The following SCRN1 variants were observed in gnomAD, a reference collection of about 807,000 sequenced individuals.
The protein encoded by SCRN1 is secernin 1, also known as secernin-1.
Under a neutral mutation model 43.3 loss-of-function variants are expected in SCRN1, and 19 were observed. The observed-to-expected ratio is 0.44, with a 90% confidence interval of 0.31 to 0.64. The LOEUF is 0.64. Among genes scored for constraint, SCRN1 ranks in the 30% least tolerant of loss-of-function variants. The pLI, the probability that SCRN1 is intolerant of heterozygous loss-of-function variation, is 0.09. For missense variants in SCRN1, 447 were observed against 524.1 expected, an observed-to-expected ratio of 0.85 and a Z score of 1.44; for synonymous variants, 183 against 188.9, an observed-to-expected ratio of 0.97 and a Z score of 0.26.
chr7:29,980,447 C>G (rs1788961853), intron 1 of SCRN1, among the ~76,000 whole-genome samples: 1 of 152,162 alleles, frequency 6.6e-6, no homozygotes, highest in African/African-American at 2.4e-5. Flanking sequence ...CTTCCTCTCC[C>G]ATCAAAACAG....
At chr7:29,927,314 A>G (rs1438262855) in intron 6 of SCRN1, among the ~76,000 whole-genome samples, 1 of 151,756 alleles carries the variant, frequency 6.6e-6, no homozygotes, top group Non-Finnish European at 1.5e-5. Flanking sequence ...GTATGCCTGC[A>G]TGTGTGTGTA....
intron 1 of SCRN1, chr7:29,988,964 G>C (rs1355135246): frequency 6.6e-6 from 1 of 152,238 alleles, no homozygotes. Context: ...AGGAGGCAGA[G>C]GCCGACCAAG....
intron 7 of SCRN1, among the ~76,000 whole-genome samples, 154 bp downstream of exon 7, chr7:29,926,298 G>C (rs1194175062): frequency 6.6e-6 from 1 of 152,204 alleles, no homozygotes; most frequent in African/African-American, 2.4e-5. Context: ...AGCCTTCTAG[G>C]AAAGGCCCCA....
intron 1 of SCRN1, among the ~76,000 whole-genome samples, chr7:29,982,432 T>C (rs1158403696): frequency 6.7e-6 from 1 of 150,104 alleles, no homozygotes; most frequent in African/African-American, 2.5e-5. Flanking sequence ...GTAATCACAG[T>C]AGTTTGGGAG....
chr7:29,975,417 G>A (rs1345857558), intron 1 of SCRN1, among the ~76,000 whole-genome samples: 1 of 152,176 alleles, frequency 6.6e-6, no homozygotes, highest in Non-Finnish European at 1.5e-5. Flanking sequence ...TACACTATAG[G>A]CCTGAAACTG....
chr7:29,957,517 C>T (rs1474973005), intron 2 of SCRN1, among the ~76,000 whole-genome samples: 8 of 152,228 alleles, frequency 5.3e-5, no homozygotes, highest in African/African-American at 1.9e-4. Flanking sequence ...CTATCTCCCC[C>T]AGCTAGAGTG....
intron 3 of SCRN1, 133 bp from the exon 4 acceptor site, chr7:29,944,312 A>G: frequency 1.4e-6 from 1 of 720,804 alleles, no homozygotes; most frequent in Non-Finnish European, 2.4e-6. Context: ...CTGCAGAACA[A>G]TAAGCAAACT....
chr7:29,963,606 A>G (rs1027434028), intron 2 of SCRN1, among the ~76,000 whole-genome samples: 1 of 152,100 alleles, frequency 6.6e-6, no homozygotes, highest in South Asian at 2.1e-4. Context: ...AATTCTTATA[A>G]AAGCTTTACC....
chr7:29,982,185 G>A (rs977772248), intron 1 of SCRN1, among the ~76,000 whole-genome samples: 1 of 152,168 alleles, frequency 6.6e-6, no homozygotes. Context: ...TGAATTTACA[G>A]ATTCATTTGA....
intron 1 of SCRN1, among the ~76,000 whole-genome samples, chr7:29,988,346 T>C (rs557713847): frequency 1.3e-5 from 2 of 152,270 alleles, no homozygotes; most frequent in South Asian, 2.1e-4. Context: ...AGGTTTTGTA[T>C]CATCTTTTGA....
In SCRN1 at chr7:29,925,670, C is replaced by T. The variant is rs148526355; in HGVS notation, c.1086+782G>A. Among the ~76,000 whole-genome samples the T allele has an allele frequency of 3.3e-3, 504 of 152,090 alleles. 2 individuals carry two copies. The highest frequency in any genetic ancestry group is 0.012 in the African/African-American group (489 of 41,488). ...CACTTTATTAACCAAAGGTGTGGGA[C>T]TGGGGAGAGCTGCACTTTGAAGGAT... On this transcript the variant is annotated intron_variant, in intron 7 of 7. Coordinates refer to ENST00000242059, the MANE Select transcript of SCRN1 (RefSeq NM_014766.5).
intron 1 of SCRN1, among the ~76,000 whole-genome samples, chr7:29,975,425 C>G (rs185663487): frequency 6.6e-6 from 1 of 152,300 alleles, no homozygotes; most frequent in African/African-American, 2.4e-5. Context: ...AGGCCTGAAA[C>G]TGGATGTGGG....
chr7:29,950,749 A>G lies in SCRN1; in HGVS notation c.341+4430T>C, dbSNP rs1325210996. Reference sequence around the variant, plus strand: ...TGACTCGTTGGGATGACCTGCCTGCAGCAGAAGGGAGCTACCCACTACAGG... The same window carrying G: ...TGACTCGTTGGGATGACCTGCCTGCGGCAGAAGGGAGCTACCCACTACAGG... On this transcript the variant is annotated intron_variant, in intron 3 of 7. Coordinates refer to ENST00000242059, the MANE Select transcript of SCRN1 (RefSeq NM_014766.5). The surrounding 1 kb of genome is among the most constrained non-coding windows in gnomAD (Gnocchi z 4.5). 1.3e-5 allele frequency among the ~76,000 whole-genome samples: 2 copies of G among 152,252 alleles called. No individual in the cohort carries two copies. Among genetic ancestry groups the G allele is most frequent in the Non-Finnish European group, 2.9e-5 (2 of 68,018 alleles).
chr7:29,959,076 C>G (rs1211344613), intron 2 of SCRN1, among the ~76,000 whole-genome samples: 1 of 152,188 alleles, frequency 6.6e-6, no homozygotes, highest in Non-Finnish European at 1.5e-5. Context: ...AGCTTCATGC[C>G]GTCACTTCAC....
intron 2 of SCRN1, among the ~76,000 whole-genome samples, chr7:29,958,802 G>A (rs568461977): frequency 1.4e-4 from 21 of 152,302 alleles, no homozygotes; most frequent in African/African-American, 5.1e-4. Context: ...GGGTGCCCAA[G>A]TCACATAACA....
chr7:29,930,646 T>C (rs1355977203), intron 6 of SCRN1, among the ~76,000 whole-genome samples: 4 of 152,198 alleles, frequency 2.6e-5, no homozygotes, highest in African/African-American at 9.7e-5. Context: ...AGAACACACC[T>C]GAGAAGGTTC....
In SCRN1 at chr7:29,940,853, G is replaced by A; in HGVS notation, c.568C>T (p.Gln190Ter). Reference protein sequence around the residue: ...VTEGVRCICSQLSLTTKMDAE... With the variant: ...VTEGVRCICS ...TCCATCTTAGTGGTGAGCGAAAGCT[G>A]ACTGCAAATGCACCTCACTCCCTCT... The change falls in exon 5 of 8, where the codon CAG (glutamine) becomes TAG (stop). Residue 190 changes from glutamine to a stop codon, truncating the protein, a stop_gained. Transcript: ENST00000242059. LOFTEE classifies it high-confidence loss of function. 6.4e-7 allele frequency: 1 copy of A among 1,555,358 alleles called. No homozygotes were observed. The highest frequency in any genetic ancestry group is 8.6e-7 in the Non-Finnish European group (1 of 1,157,652).
chr7:29,925,854 CAAA>C (rs59395122), intron 7 of SCRN1, among the ~76,000 whole-genome samples: 1 of 83,976 alleles, frequency 1.2e-5, no homozygotes, highest in African/African-American at 4.1e-5. Flanking sequence ...ACTAAAAATA[CAAA>C]AAAAAAAAAA....
At chr7:29,934,542 G>A (rs1304952604) in intron 6 of SCRN1, among the ~76,000 whole-genome samples, 2 of 152,210 alleles carry the variant, frequency 1.3e-5, no homozygotes, top group Non-Finnish European at 2.9e-5. Flanking sequence ...TCATCCAGCA[G>A]GGTCCTCACA....
Sources: allele counts gnomAD v4.1 joint callset (sites outside exome capture counted in the v4.1 genomes callset), GRCh38; gene constraint gnomAD v4.1.1; non-coding constraint Gnocchi (gnomAD v3.1); transcripts MANE v1.5; gene names NCBI Gene and HGNC (gene_info 2026-07-23, HGNC 2026-07-21).